KPNA7: variants seen among roughly 807,000 people sequenced by gnomAD.
KPNA7 encodes karyopherin subunit alpha 7.
Under a neutral mutation model 53.7 loss-of-function variants are expected in KPNA7, and 54 were observed. The ratio of observed to expected loss-of-function variants is 1.01; its 90% confidence interval spans 0.81 to 1.26. The LOEUF is 1.26. Ranked by LOEUF, KPNA7 falls within the 50% of genes most tolerant of loss-of-function variation. The probability of loss-of-function intolerance (pLI) is 0.00; values close to 1 mark genes in which losing one functional copy is unlikely to be tolerated. For missense variants in KPNA7, 640 were observed against 644.5 expected (o/e 0.99, Z 0.07); for synonymous variants, 276 against 259.3 (o/e 1.06, Z -0.62).
At chr7:99,213,456 A>AAAAAAAG (rs1472872318) in intron 1 of KPNA7, among the ~76,000 whole-genome samples, 4 of 126,114 alleles carry the variant, frequency 3.2e-5, no homozygotes, top group African/African-American at 1.3e-4. Flanking sequence ...AAAAAAAAAA[A>AAAAAAAG]AGAGAGAGAG....
intron 3 of KPNA7, among the ~76,000 whole-genome samples, chr7:99,199,216 G>A (rs373344174): frequency 6.6e-6 from 1 of 151,758 alleles, no homozygotes; most frequent in Non-Finnish European, 1.5e-5. Context: ...CATGAAAATC[G>A]GAGCTGCCCT....
chr7:99,181,157 GTC>G (rs68010533), intron 9 of KPNA7, among the ~76,000 whole-genome samples: 4 of 22,620 alleles, frequency 1.8e-4, no homozygotes, highest in African/African-American at 4.8e-4. Flanking sequence ...CTCCGTCTGT[GTC>G]TCTCTCTCCG....
intron 5 of KPNA7, 150 bp from the exon 6 acceptor site, chr7:99,193,251 G>C: frequency 1.9e-6 from 1 of 513,174 alleles, no homozygotes; most frequent in Non-Finnish European, 3.4e-6. Context: ...ACTAAATTCT[G>C]GAAGTCTGGC....
the KPNA7 span, among the ~76,000 whole-genome samples, chr7:99,153,786 T>C: frequency 2.0e-5 from 3 of 151,852 alleles, no homozygotes; most frequent in Non-Finnish European, 4.4e-5. Context: ...CTGGGCACCA[T>C]AGCAAGACCT....
chr7:99,193,686 G>A (rs555798012), intron 5 of KPNA7, among the ~76,000 whole-genome samples: 3 of 149,820 alleles, frequency 2.0e-5, no homozygotes, highest in South Asian at 2.1e-4. Context: ...TTTTTTTGGC[G>A]GGGGAGGGGG....
At chr7:99,176,203 C>CA (rs1219927364) in intron 10 of KPNA7, among the ~76,000 whole-genome samples, 1 of 149,068 alleles carries the variant, frequency 6.7e-6, no homozygotes, top group Non-Finnish European at 1.5e-5. Flanking sequence ...GAGGCTGAGG[C>CA]AGGAGAATGA....
chr7:99,188,406 A>G lies in KPNA7; in HGVS notation c.794T>C (p.Leu265Pro). The change falls in exon 7 of 11, where the codon CTG becomes CCG. Residue 265 changes from leucine (L) to proline (P), a missense_variant. Transcript: ENST00000327442. ...GTTGGAGCCGTCGGTGAGGTAGGACAGTGCCCAGCAGGCATCCGAGAGAAC... is the reference window on the plus strand; with the variant it reads ...GTTGGAGCCGTCGGTGAGGTAGGACGGTGCCCAGCAGGCATCCGAGAGAAC... ...SEVLSDACWA[L>P]SYLTDGSNKR... 6.4e-7 allele frequency: 1 copy of G among 1,551,670 alleles called. No individual in the cohort carries two copies. Among genetic ancestry groups the G allele is most frequent in the Non-Finnish European group, 8.7e-7 (1 of 1,146,998 alleles).
chr7:99,170,730 TAAG>T (rs1211027528), downstream of KPNA7, among the ~76,000 whole-genome samples: 1 of 152,198 alleles, frequency 6.6e-6, no homozygotes, highest in Non-Finnish European at 1.5e-5. Flanking sequence ...ACAGCACATT[TAAG>T]AATACTGGAG....
At position 99,173,633 on chromosome 7, in the gene KPNA7, A is replaced by T; in HGVS notation, c.*75T>A. The T allele has an allele frequency of 1.1e-6, 1 of 889,232 alleles. No individual in the cohort carries two copies. The highest frequency in any genetic ancestry group is 1.8e-6 in the Non-Finnish European group (1 of 567,258). The allele number at this position is 889,232 out of a possible 1,614,324, so 55.1% of individuals were successfully genotyped here. On this transcript the variant is annotated 3_prime_UTR_variant, in exon 11 of 11. Coordinates refer to ENST00000327442, the MANE Select transcript of KPNA7 (RefSeq NM_001145715.3). ...AAAGCTTCACATTTGGGTTACACTA[A>T]GATAGAGGACTGCTGCTTCTTAAAG... is the stretch of plus-strand genomic sequence containing the variant.
chr7:99,193,436 G>C (rs1325026862), intron 5 of KPNA7, among the ~76,000 whole-genome samples: 2 of 152,148 alleles, frequency 1.3e-5, no homozygotes, highest in East Asian at 3.8e-4. Context: ...CTTGGCACAG[G>C]GCAGTAACTT....
rs141723140 is a variant in KPNA7 at position 99,202,730 on chromosome 7, A to C, written c.201+376T>G. ...CATGATGGTGAGTGCCTGTAGTCCCACATACTCTGGAAGCTGAGGCAGGAG... is the reference window on the plus strand; with the variant it reads ...CATGATGGTGAGTGCCTGTAGTCCCCCATACTCTGGAAGCTGAGGCAGGAG... On this transcript the variant is annotated intron_variant, in intron 3 of 10. Coordinates refer to ENST00000327442, the MANE Select transcript of KPNA7 (RefSeq NM_001145715.3). Among the ~76,000 whole-genome samples the C allele has an allele frequency of 2.9e-3, 434 of 152,172 alleles. 2 individuals carry two copies. The highest frequency in any genetic ancestry group is 9.9e-3 in the African/African-American group (413 of 41,524).
the KPNA7 span, among the ~76,000 whole-genome samples, chr7:99,159,813 G>A: frequency 6.6e-6 from 1 of 151,884 alleles, no homozygotes. Context: ...CAATTGTTTG[G>A]TGGTATCAGA....
chr7:99,182,220 T>TC (rs555276935), intron 8 of KPNA7, among the ~76,000 whole-genome samples, 155 bp from the exon 9 acceptor site: 314 of 151,748 alleles, frequency 2.1e-3, no homozygotes, highest in Non-Finnish European at 3.4e-3. Flanking sequence ...GCTCTTTCTT[T>TC]CCCCCCTCAC....
intron 9 of KPNA7, among the ~76,000 whole-genome samples, chr7:99,181,132 C>T (rs1375698641): frequency 3.6e-3 from 36 of 9,970 alleles, no homozygotes; most frequent in African/African-American, 7.4e-3. Flanking sequence ...TCTCTCTCTC[C>T]GTCTGTGTCT....
chr7:99,196,043 T>C (rs1167087877), intron 4 of KPNA7, 41 bp downstream of exon 4: 1 of 1,508,760 alleles, frequency 6.6e-7, no homozygotes, highest in Non-Finnish European at 9.0e-7. Flanking sequence ...CGCTCATTGC[T>C]AACTATGAAC....
chr7:99,203,340 A>C, intron 2 of KPNA7, 100 bp from the exon 3 acceptor site: 2 of 1,257,082 alleles, frequency 1.6e-6, no homozygotes, highest in African/African-American at 1.5e-5. Context: ...ATTTTTACAG[A>C]TACAATAGGC....
In KPNA7 at chr7:99,175,101, C is replaced by T. The variant is rs376729799; in HGVS notation, c.1465-1307G>A. On this transcript the variant is annotated intron_variant, in intron 10 of 10. Coordinates refer to ENST00000327442, the MANE Select transcript of KPNA7 (RefSeq NM_001145715.3). Reference sequence around the variant, plus strand: ...GTGCTGGGATTACAGGTGTGAGCCACTGCACCCAGCTGAGCTTCTTATTTA... The same window carrying T: ...GTGCTGGGATTACAGGTGTGAGCCATTGCACCCAGCTGAGCTTCTTATTTA... Among the ~76,000 whole-genome samples, 30 of 152,274 alleles carry T rather than the reference C, an allele frequency of 2.0e-4. No individual in the cohort carries two copies. The East Asian group carries it at 3.1e-3, about 16-fold the overall frequency.
At chr7:99,198,885 A>T (rs983865295) in intron 3 of KPNA7, among the ~76,000 whole-genome samples, 1 of 152,126 alleles carries the variant, frequency 6.6e-6, no homozygotes, top group East Asian at 1.9e-4. Context: ...TTACACCAAA[A>T]GCCTAGAGCT....
the KPNA7 span, among the ~76,000 whole-genome samples, chr7:99,166,050 G>A: frequency 2.6e-5 from 4 of 151,914 alleles, no homozygotes; most frequent in South Asian, 2.1e-4. Context: ...CATGTAAGAC[G>A]TGCCTGCCTC....
Sources: allele counts gnomAD v4.1 joint callset (sites outside exome capture counted in the v4.1 genomes callset), GRCh38; gene constraint gnomAD v4.1.1; transcripts MANE v1.5; gene names NCBI Gene and HGNC (gene_info 2026-07-23, HGNC 2026-07-21).